NAV1: variants seen among roughly 807,000 people sequenced by gnomAD.
NAV1 encodes neuron navigator 1.
NAV1 carries 18 observed loss-of-function variants against 175.2 expected under a neutral mutation model. The observed-to-expected ratio is 0.10, with a 90% CI of 0.07 to 0.15. NAV1 has a LOEUF of 0.15. NAV1 is among the 10% of genes least tolerant of loss of function. The pLI is 1.00. For missense variants in NAV1, 1,731 were observed against 2,436.6 expected (o/e 0.71, Z 6.10); for synonymous variants, 897 against 978.7 (o/e 0.92, Z 1.56).
intron 1 of NAV1, among the ~76,000 whole-genome samples, chr1:201,574,570 G>T (rs563662517): frequency 6.6e-6 from 1 of 152,188 alleles, no homozygotes; most frequent in African/African-American, 2.4e-5. Flanking sequence ...GAGCTTGTTG[G>T]ATATCCCAGT....
chr1:201,717,274 T>G (rs554134889), intron 2 of NAV1, among the ~76,000 whole-genome samples: 2 of 152,336 alleles, frequency 1.3e-5, no homozygotes, highest in East Asian at 3.9e-4. Flanking sequence ...GTAACTCATG[T>G]CCAGCCACAG....
chr1:201,666,617 C>T (rs935432604), intron 1 of NAV1, among the ~76,000 whole-genome samples: 1 of 152,174 alleles, frequency 6.6e-6, no homozygotes, highest in African/African-American at 2.4e-5. Flanking sequence ...TCCCTCCATG[C>T]CTATCTCCCC....
At chr1:201,783,892 G>A in intron 7 of NAV1, 40 bp downstream of exon 11, 2 of 1,544,072 alleles carry the variant, frequency 1.3e-6, no homozygotes, top group Non-Finnish European at 1.7e-6. Context: ...CTGTCTCCGT[G>A]TCTTGGGCTC....
chr1:201,613,305 C>G (rs539413919), intron 2 of NAV1, among the ~76,000 whole-genome samples: 10 of 152,150 alleles, frequency 6.6e-5, no homozygotes, highest in Admixed American at 1.3e-4. Flanking sequence ...CCGCCTCCCC[C>G]CCGCCACCAA....
chr1:201,817,307 G>A (rs1440704575), intron 29 of NAV1, 22 bp downstream of exon 33: 1 of 1,609,236 alleles, frequency 6.2e-7, no homozygotes, highest in Admixed American at 1.7e-5. Flanking sequence ...CCATTCTAGA[G>A]TAAAAATAAG....
At chr1:201,820,988 T>C (rs532948414) in exon 30 of NAV1, 2 of 152,284 alleles carry the variant, frequency 1.3e-5, no homozygotes, top group Admixed American at 1.3e-4. Context: ...ATGGGGCTTA[T>C]ATGAGACATG....
At chr1:201,586,358 A>G (rs1022075635) in intron 1 of NAV1, among the ~76,000 whole-genome samples, 1 of 152,204 alleles carries the variant, frequency 6.6e-6, no homozygotes, top group African/African-American at 2.4e-5. Context: ...TTGCAACATG[A>G]TAAGAGTTCT....
intron 3 of NAV1, chr1:201,733,291 A>T (rs1408812384): frequency 6.6e-6 from 1 of 151,782 alleles, no homozygotes; most frequent in Non-Finnish European, 1.5e-5. Flanking sequence ...GAGGCAGGAG[A>T]ATGGCATGAA....
intron 2 of NAV1, among the ~76,000 whole-genome samples, chr1:201,637,625 A>G (rs1173745735): frequency 6.6e-6 from 1 of 152,204 alleles, no homozygotes; most frequent in East Asian, 1.9e-4. Flanking sequence ...TGACCTTAAA[A>G]CAACCAATTC....
At chr1:201,776,126 T>C (rs1675920568) in intron 3 of NAV1, among the ~76,000 whole-genome samples, 1 of 152,128 alleles carries the variant, frequency 6.6e-6, no homozygotes, top group South Asian at 2.1e-4. Flanking sequence ...TGTCTATATA[T>C]TTATATGTGT....
At chr1:201,582,812 A>G (rs1318506646) in intron 1 of NAV1, among the ~76,000 whole-genome samples, 1 of 152,222 alleles carries the variant, frequency 6.6e-6, no homozygotes. Context: ...AGCCTGGTCA[A>G]CAGCCCCTGC....
chr1:201,782,375 A>G lies in NAV1; in HGVS notation c.1863A>G (p.Gln621=). The stretch of plus-strand genomic sequence containing the variant: ...CCACAGGCACAGCCACTGTCATGCA[A>G]ACTGGTGGTTCAGCCACTCTCAGCA... The change falls in exon 6 of 30, where the codon CAA becomes CAG. Residue 621 remains glutamine, a synonymous_variant. Coordinates refer to ENST00000367296, the Ensembl canonical transcript of NAV1. The surrounding 1 kb of genome is among the most constrained non-coding windows in gnomAD (Gnocchi z 5.4). 1 of 1,614,096 alleles carries G rather than the reference A, an allele frequency of 6.2e-7. No individual in the cohort carries two copies. The highest frequency in any genetic ancestry group is 2.2e-5 in the East Asian group (1 of 44,858).
chr1:201,785,317 C>A, exon 8 of NAV1: 1 of 1,603,632 alleles, frequency 6.2e-7, no homozygotes, highest in Non-Finnish European at 8.5e-7. Context: ...CAGTAATCAG[C>A]GGGATCGGAA....
intron 1 of NAV1, 24 bp from the exon 6 acceptor site, chr1:201,712,793 A>T: frequency 6.5e-7 from 1 of 1,535,302 alleles, no homozygotes; most frequent in Non-Finnish European, 9.0e-7. Context: ...TCACTCACCC[A>T]GCTCTTCCTT....
At chr1:201,656,325 G>A (rs1427162148) in intron 1 of NAV1, among the ~76,000 whole-genome samples, 2 of 152,226 alleles carry the variant, frequency 1.3e-5, no homozygotes, top group Admixed American at 1.3e-4. Context: ...GTGGAAAGCA[G>A]GGACAAGTGC....
intron 16 of NAV1, 35 bp from the exon 21 acceptor site, chr1:201,804,454 C>CA: frequency 6.5e-7 from 1 of 1,529,044 alleles, no homozygotes; most frequent in Non-Finnish European, 8.8e-7. Context: ...TTTTTTCCTT[C>CA]AAAATGCTGA....
intron 2 of NAV1, among the ~76,000 whole-genome samples, chr1:201,603,663 A>C (rs1034240701): frequency 1.3e-5 from 2 of 152,078 alleles, no homozygotes; most frequent in Non-Finnish European, 2.9e-5. Context: ...CCCACTCCAG[A>C]CAGTAGGCCA....
chr1:201,585,179 T>C (rs1666987996), intron 1 of NAV1, among the ~76,000 whole-genome samples: 1 of 152,136 alleles, frequency 6.6e-6, no homozygotes, highest in East Asian at 1.9e-4. Flanking sequence ...TCTATTCTGG[T>C]TTTAGGGTTC....
At chr1:201,795,504 C>G (rs1334665682) in intron 15 of NAV1, 1 of 152,240 alleles carries the variant, frequency 6.6e-6, no homozygotes, top group African/African-American at 2.4e-5. Flanking sequence ...CATTCCTTCC[C>G]TGCTTATAAA....
Sources: allele counts gnomAD v4.1 joint callset (sites outside exome capture counted in the v4.1 genomes callset), GRCh38; gene constraint gnomAD v4.1.1; non-coding constraint Gnocchi (gnomAD v3.1); transcripts MANE v1.5; gene names NCBI Gene and HGNC (gene_info 2026-07-23, HGNC 2026-07-21).